The following MSANTD7 variants were observed in gnomAD, a reference collection of about 807,000 sequenced individuals.
MSANTD7 encodes zinc finger and SCAN domain containing 29.
chr10:14,843,318 G>GCATT, the MSANTD7 span: 27 of 1,545,120 alleles, frequency 1.7e-5, no homozygotes, highest in South Asian at 3.2e-4. Context: ...CTGGCTCCAA[G>GCATT]CATTCCCTTA....
At chr10:14,842,450 C>T in the MSANTD7 span, 19 of 1,536,022 alleles carry the variant, frequency 1.2e-5, 1 homozygote, top group South Asian at 2.4e-5. The surrounding 1 kb of genome is among the most constrained non-coding windows in gnomAD (Gnocchi z 5.2). Context: ...GGAGGGCTTC[C>T]GCCGCACCGA....
At chr10:14,844,901 C>T in the MSANTD7 span, 1 of 985,366 alleles carries the variant, frequency 1.0e-6, no homozygotes, top group Non-Finnish European at 1.2e-6. Flanking sequence ...GTATGTTATA[C>T]AGGGCAAGCC....
the MSANTD7 span, chr10:14,846,552 A>T: frequency 1.0e-6 from 1 of 985,098 alleles, no homozygotes. Context: ...GAATCTGCCT[A>T]TGTGGTAGAC....
chr10:14,839,014 G>T, the MSANTD7 span, among the ~76,000 whole-genome samples: 1 of 152,172 alleles, frequency 6.6e-6, no homozygotes, highest in African/African-American at 2.4e-5. Context: ...GAACGTCTAG[G>T]TCCCGGAGGG....
the MSANTD7 span, chr10:14,843,471 C>T: frequency 1.9e-5 from 29 of 1,550,530 alleles, no homozygotes; most frequent in Middle Eastern, 3.3e-4. Context: ...TGGGTGTGTC[C>T]GGGGAGCCCA....
At chr10:14,842,636 G>A in the MSANTD7 span, 6 of 1,536,168 alleles carry the variant, frequency 3.9e-6, no homozygotes, top group Non-Finnish European at 5.2e-6. The surrounding 1 kb of genome is among the most constrained non-coding windows in gnomAD (Gnocchi z 5.2). Flanking sequence ...TGCTGCTTGG[G>A]CCAAGCACTG....
chr10:14,839,323 C>T, the MSANTD7 span, among the ~76,000 whole-genome samples: 1 of 152,174 alleles, frequency 6.6e-6, no homozygotes, highest in African/African-American at 2.4e-5. Context: ...CCTGTAATCC[C>T]AGCACTTTGG....
chr10:14,844,091 AG>A, the MSANTD7 span: 1 of 1,409,876 alleles, frequency 7.1e-7, no homozygotes, highest in Non-Finnish European at 9.2e-7. Flanking sequence ...CAGAAATGCC[AG>A]GGGTGACCTA....
chr10:14,838,749 G>A, the MSANTD7 span, among the ~76,000 whole-genome samples: 4 of 152,126 alleles, frequency 2.6e-5, no homozygotes, highest in African/African-American at 9.7e-5. Context: ...CGACGTAGCT[G>A]CAGGGTGCCC....
the MSANTD7 span, chr10:14,844,507 A>T: frequency 1.0e-6 from 1 of 988,096 alleles, no homozygotes; most frequent in Non-Finnish European, 1.2e-6. Flanking sequence ...CACAACCTGT[A>T]TTTGTACCTT....
the MSANTD7 span, chr10:14,838,386 GC>G: frequency 6.3e-7 from 1 of 1,597,224 alleles, no homozygotes. Flanking sequence ...TCCTGCCGCT[GC>G]CGTCCCTGCT....
At chr10:14,842,912 CTGTT>C in the MSANTD7 span, 4 of 1,144,620 alleles carry the variant, frequency 3.5e-6, no homozygotes, top group African/African-American at 3.1e-5. The surrounding 1 kb of genome is among the most constrained non-coding windows in gnomAD (Gnocchi z 5.2). Context: ...TTAGCTGTGT[CTGTT>C]TGGATAGTGT....
At chr10:14,840,270 A>T in the MSANTD7 span, 1 of 436,196 alleles carries the variant, frequency 2.3e-6, no homozygotes, top group East Asian at 4.4e-5. Flanking sequence ...ATTGCTTTTT[A>T]TGACTGAGTC....
At chr10:14,841,703 G>A in the MSANTD7 span, among the ~76,000 whole-genome samples, 1 of 152,180 alleles carries the variant, frequency 6.6e-6, no homozygotes, top group Non-Finnish European at 1.5e-5. Flanking sequence ...TATTAGCAGA[G>A]CAACTTAAAC....
At chr10:14,843,300 C>A in the MSANTD7 span, 1,084 of 1,533,274 alleles carry the variant, frequency 7.1e-4, 1 homozygote, top group Non-Finnish European at 8.5e-4. Flanking sequence ...TTTGTCTCAG[C>A]TCTGCTGCTG....
the MSANTD7 span, chr10:14,838,383 G>A: frequency 1.3e-6 from 2 of 1,594,782 alleles, no homozygotes; most frequent in Non-Finnish European, 1.7e-6. Context: ...CATTCCTGCC[G>A]CTGCCGTCCC....
At chr10:14,846,209 G>A in the MSANTD7 span, 7 of 985,218 alleles carry the variant, frequency 7.1e-6, no homozygotes, top group Non-Finnish European at 8.4e-6. Flanking sequence ...TATATGGAAA[G>A]ATATGTGTCA....
At chr10:14,846,605 C>T in the MSANTD7 span, 1 of 962,512 alleles carries the variant, frequency 1.0e-6, no homozygotes, top group Non-Finnish European at 1.2e-6. Context: ...GCTTTTCCAG[C>T]ATTCCATAAC....
chr10:14,842,089 T>C, the MSANTD7 span: 1 of 1,431,478 alleles, frequency 7.0e-7, no homozygotes, highest in South Asian at 1.2e-5. This position sits in a 1 kb window ranked among gnomAD's most constrained non-coding sequence, Gnocchi z 5.2. Context: ...GCCAAAATTA[T>C]CCTTACACCC....
Sources: gnomAD v4.1 joint callset for allele counts (sites outside exome capture counted in the v4.1 genomes callset) on GRCh38, gnomAD v4.1.1 for gene constraint, Gnocchi (gnomAD v3.1) non-coding constraint, MANE v1.5 for transcripts, NCBI Gene and HGNC (gene_info 2026-07-23, HGNC 2026-07-21) for gene names.